The following PTCH1 variants were observed in gnomAD, a reference collection of about 807,000 sequenced individuals.
The protein encoded by PTCH1 is protein patched homolog 1.
PTCH1 carries 14 observed loss-of-function variants against 144.6 expected under a neutral mutation model. That is an observed-to-expected ratio of 0.10 (90% CI 0.06 to 0.15). The LOEUF is 0.15. Among genes scored for constraint, PTCH1 ranks in the 10% least tolerant of loss-of-function variants. PTCH1 has a pLI of 1.00. For missense variants in PTCH1, 1,623 were observed against 1,948.3 expected, an observed-to-expected ratio of 0.83 and a Z score of 3.14; for synonymous variants, 833 against 793.6, an observed-to-expected ratio of 1.05 and a Z score of -0.83.
chr9:95,446,300 A>G lies in PTCH1; in HGVS notation c.*93T>C, dbSNP rs1411822666. The G allele has an allele frequency of 4.0e-6, 2 of 504,452 alleles. No homozygotes were observed. The highest frequency in any genetic ancestry group is 1.9e-5 in the African/African-American group (1 of 51,526). The allele number at this position is 504,452 out of a possible 1,614,324, so 31.2% of individuals were successfully genotyped here. On this transcript the variant is annotated 3_prime_UTR_variant, in exon 24 of 24. Transcript: ENST00000331920. ...TCCTGGCACAGGGCATCTTTTCCAT[A>G]ACTCCAACCAGTTCTCTTCAAGCAG...
chr9:95,478,317 G>C (rs1841251553), intron 8 of PTCH1, 131 bp from the exon 9 acceptor site: 1 of 1,373,142 alleles, frequency 7.3e-7, no homozygotes, highest in Admixed American at 1.9e-5. Flanking sequence ...AGTTCTACGT[G>C]ATTCCAGGGC....
intron 10 of PTCH1, 115 bp downstream of exon 10, chr9:95,477,432 G>A (rs533516930): frequency 1.9e-4 from 265 of 1,416,696 alleles, no homozygotes; most frequent in Non-Finnish European, 1.1e-4. Flanking sequence ...AGTGGAAAAG[G>A]CTGCAAGACC....
At chr9:95,506,321 G>C in intron 2 of PTCH1, 86 bp downstream of exon 2, 1 of 1,457,926 alleles carries the variant, frequency 6.9e-7, no homozygotes, top group Non-Finnish European at 9.4e-7. Flanking sequence ...CCGCAGCCAG[G>C]CTCTAGGTGT....
At position 95,445,583 on chromosome 9, in the gene PTCH1, G is replaced by C. The variant is rs561575523; in HGVS notation, c.*810C>G. ...ATGCCGTAGACACGAGGAGAGTCTAGCTTTTGCCGGGCTGATTTGAAAGGA... is the reference window on the plus strand; with the variant it reads ...ATGCCGTAGACACGAGGAGAGTCTACCTTTTGCCGGGCTGATTTGAAAGGA... On this transcript the variant is annotated 3_prime_UTR_variant, in exon 24 of 24. Transcript: ENST00000331920. 6.6e-6 allele frequency: 1 copy of C among 152,398 alleles called. No individual in the cohort carries two copies. The highest frequency in any genetic ancestry group is 1.5e-5 in the Non-Finnish European group (1 of 68,060). The allele number at this position is 152,398 out of a possible 1,614,324, so 9.4% of individuals were successfully genotyped here.
intron 1 of PTCH1, chr9:95,507,555 A>C: frequency 2.0e-6 from 1 of 509,744 alleles, no homozygotes; most frequent in East Asian, 1.5e-4. Context: ...AGGCGGCTCA[A>C]AACCTGGAAA....
chr9:95,474,276 T>C (rs1840844306), intron 12 of PTCH1: 4 of 308,216 alleles, frequency 1.3e-5, no homozygotes, highest in African/African-American at 4.3e-5. Flanking sequence ...CAGGGTCCCA[T>C]GACTAAAAGA....
In PTCH1 at chr9:95,508,551, GCT is replaced by G; in HGVS notation, c.-192_-191del. The stretch of plus-strand genomic sequence containing the variant: ...TGCTGCTGCTCACACGGCGGGCGCT[GCT>G]GCCGCTGCGGCCGCGGCCGCTGCCG... On this transcript the variant is annotated 5_prime_UTR_variant, in exon 1 of 24. The change abolishes the stop of an existing upstream ORF in the 5' untranslated region. Transcript: ENST00000331920. 2.0e-6 allele frequency: 2 copies of G among 1,007,468 alleles called. No individual in the cohort carries two copies. Among genetic ancestry groups the G allele is most frequent in the Non-Finnish European group, 2.4e-6 (2 of 844,376 alleles). 62.4% of individuals were successfully genotyped at this position (1,007,468 alleles called of 1,614,324 possible).
Position 95,482,334 on chromosome 9 carries a change from GC to G in PTCH1, c.585-132del, listed in dbSNP as rs1588615071. 3.3e-6 allele frequency: 3 copies of G among 903,622 alleles called. No individual in the cohort carries two copies. In the East Asian group the frequency reaches 7.9e-5, roughly 24 times the overall value. 56.0% of individuals were successfully genotyped at this position (903,622 alleles called of 1,614,324 possible). A position where few individuals can be genotyped will look rare whatever the true frequency, so the allele number is the denominator to read the frequency against. ...TTAAGCATCTGTCAAAACGAGCAGA[GC>G]TTTTGCCAAGTAGAGACCCAGCAAG... On this transcript the variant is annotated intron_variant, in intron 3 of 23. Coordinates refer to ENST00000331920, the MANE Select transcript of PTCH1 (RefSeq NM_000264.5).
intron 2 of PTCH1, among the ~76,000 whole-genome samples, chr9:95,499,305 G>A (rs1452104668): frequency 6.6e-6 from 1 of 150,948 alleles, no homozygotes; most frequent in Admixed American, 6.6e-5. Flanking sequence ...AGAATGCCAA[G>A]GATGCAAATG....
rs1206727133 is a variant in PTCH1, at chr9:95,468,895, T to G, written c.2106A>C (p.Pro702=). Residue 702 remains proline, a synonymous_variant, in exon 14 of 24, where the codon CCA becomes CCC. Coordinates refer to ENST00000331920, the MANE Select transcript of PTCH1 (RefSeq NM_000264.5). The part of the protein sequence containing the change: ...VTQDTLSCQS[P]ESTSSTRDLL... ...GGTCCCTTGTGGAGCTGGTGCTCTC[T>G]GGGCTCTGGCAGCTGAGGGTGTCCT... is the stretch of plus-strand genomic sequence containing the variant. 6.2e-7 allele frequency: 1 copy of G among 1,614,062 alleles called. No homozygotes were observed. The highest frequency in any genetic ancestry group is 8.5e-7 in the Non-Finnish European group (1 of 1,180,012).
At chr9:95,488,365 G>T (rs776192702) in intron 2 of PTCH1, among the ~76,000 whole-genome samples, 66 of 152,204 alleles carry the variant, frequency 4.3e-4, no homozygotes, top group Admixed American at 8.5e-4. Flanking sequence ...TCATGATAGG[G>T]TGGCCAAGCA....
chr9:95,495,848 T>C (rs1842752143), intron 2 of PTCH1, among the ~76,000 whole-genome samples: 1 of 152,168 alleles, frequency 6.6e-6, no homozygotes, highest in African/African-American at 2.4e-5. Context: ...CAGGGAATCA[T>C]TTACCTACCT....
At chr9:95,456,564 C>A (rs1013793446) in intron 18 of PTCH1, 151 bp from the exon 19 acceptor site, 1 of 1,106,934 alleles carries the variant, frequency 9.0e-7, no homozygotes, top group African/African-American at 1.6e-5. Flanking sequence ...GCCTTTACTG[C>A]CTAATTCATC....
Position 95,497,951 on chromosome 9 carries a change from C to T in PTCH1, c.394+8456G>A, listed in dbSNP as rs144056668. Among the ~76,000 whole-genome samples, 336 of 143,642 alleles carry T rather than the reference C, an allele frequency of 2.3e-3. 2 individuals carry two copies. The highest frequency in any genetic ancestry group is 0.011 in the Middle Eastern group (3 of 276). 94.2% of individuals were successfully genotyped at this position (143,642 alleles called of 152,430 possible). On this transcript the variant is annotated intron_variant, in intron 2 of 23. Transcript: ENST00000331920. ...CTCTTCTTAAATAGGAGATGGACCA[C>T]CCTGCCTCGTGGCACGGAGTGGTGT...
chr9:95,483,582 T>C (rs926421405), intron 3 of PTCH1: 1 of 152,366 alleles, frequency 6.6e-6, no homozygotes, highest in African/African-American at 2.4e-5. Context: ...GTTAAGCTTG[T>C]TGAAAATGAC....
intron 12 of PTCH1, chr9:95,474,078 T>G: frequency 2.0e-6 from 1 of 503,380 alleles, no homozygotes; most frequent in Non-Finnish European, 4.0e-6. Flanking sequence ...TCATGTAGCT[T>G]TTCAGACCAC....
intron 2 of PTCH1, among the ~76,000 whole-genome samples, chr9:95,488,295 T>A (rs1200748351): frequency 6.6e-6 from 1 of 152,182 alleles, no homozygotes; most frequent in Non-Finnish European, 1.5e-5. Flanking sequence ...CGCTCCCCCA[T>A]CTCTTTGCTC....
chr9:95,486,908 G>A (rs989598322), intron 2 of PTCH1, among the ~76,000 whole-genome samples: 3 of 152,176 alleles, frequency 2.0e-5, no homozygotes, highest in Non-Finnish European at 2.9e-5. Context: ...CAAAGGAAGC[G>A]GGTCTGAATT....
chr9:95,508,073 G>C, intron 1 of PTCH1, 88 bp downstream of exon 1: 1 of 1,585,354 alleles, frequency 6.3e-7, no homozygotes, highest in East Asian at 2.3e-5. Flanking sequence ...GAGAGAGGAA[G>C]AGAGTGTGTG....
Sources: gnomAD v4.1 joint callset for allele counts (sites outside exome capture counted in the v4.1 genomes callset) on GRCh38, gnomAD v4.1.1 for gene constraint, MANE v1.5 for transcripts, NCBI Gene and HGNC (gene_info 2026-07-23, HGNC 2026-07-21) for gene names.